WDPCP: variants seen among roughly 807,000 people sequenced by gnomAD.
The protein encoded by WDPCP is WD repeat containing planar cell polarity effector.
Under a neutral mutation model 93.1 loss-of-function variants are expected in WDPCP, and 71 were observed. That is an observed-to-expected ratio of 0.76 (90% CI 0.63 to 0.93). WDPCP has a LOEUF of 0.93. WDPCP is among the 40% of genes least tolerant of loss of function. WDPCP has a pLI of 0.00. For synonymous variants in WDPCP, 315 were observed against 315.0 expected (o/e 1.00, Z 0.00); for missense variants, 844 against 887.4 (o/e 0.95, Z 0.62).
At chr2:63,368,666 C>A (rs1691134471) in intron 12 of WDPCP, among the ~76,000 whole-genome samples, 1 of 151,844 alleles carries the variant, frequency 6.6e-6, no homozygotes, top group African/African-American at 2.4e-5. Flanking sequence ...CTCAAGCAAT[C>A]CTCTTGCCTC....
chr2:63,186,880 GAA>G (rs780621561), intron 14 of WDPCP, among the ~76,000 whole-genome samples: 2 of 149,880 alleles, frequency 1.3e-5, no homozygotes. Flanking sequence ...CGCCTTGGGG[GAA>G]AAAAAAGAGA....
rs188148317 is a variant in WDPCP at position 63,515,724 on chromosome 2, G to T, written c.76-22784C>A. ...TGCTTTACATGCATTTTCTCATTTA[G>T]ATTCTATAATCACCGCTGGGCACAG... On this transcript the variant is annotated intron_variant, in intron 1 of 17. Coordinates refer to ENST00000272321, the MANE Select transcript of WDPCP (RefSeq NM_015910.7). 3.6e-3 allele frequency among the ~76,000 whole-genome samples: 544 copies of T among 152,230 alleles called. 4 individuals are homozygous for T. The highest frequency in any genetic ancestry group is 5.7e-3 in the Admixed American group (87 of 15,286).
In WDPCP at chr2:63,433,842, G is replaced by A. The variant is rs368933340; in HGVS notation, c.728C>T (p.Pro243Leu). ...AGGCCAAGCATCATCGTTGACCAGT[G>A]GCCACCAGCAAACAACTCTATCATG... ...CVHDRVVCWW[P>L]LVNDDAWPWA... The change falls in exon 9 of 18, where the codon CCA becomes CTA. Residue 243 changes from proline (P) to leucine (L), a missense_variant. Coordinates refer to ENST00000272321, the MANE Select transcript of WDPCP (RefSeq NM_015910.7). 2.1e-5 allele frequency: 34 copies of A among 1,613,940 alleles called. No individual in the cohort carries two copies. In the African/African-American group the frequency reaches 4.0e-4, roughly 19 times the overall value.
At chr2:63,190,284 C>T (rs1329932970) in intron 14 of WDPCP, among the ~76,000 whole-genome samples, 2 of 151,376 alleles carry the variant, frequency 1.3e-5, no homozygotes, top group Non-Finnish European at 2.9e-5. Flanking sequence ...AATACAAAAA[C>T]TAGCCAAGCA....
At chr2:63,216,586 C>T (rs1016932405) in intron 14 of WDPCP, among the ~76,000 whole-genome samples, 1 of 152,006 alleles carries the variant, frequency 6.6e-6, no homozygotes. Context: ...AGAGGGATAG[C>T]ATTAGGAGAC....
intron 2 of WDPCP, among the ~76,000 whole-genome samples, chr2:63,734,263 A>C (rs755219071): frequency 6.6e-6 from 1 of 152,190 alleles, no homozygotes; most frequent in Non-Finnish European, 1.5e-5. Context: ...TAAGGTTCTT[A>C]AGATTAATTT....
At chr2:63,316,515 T>C (rs1321072248) in intron 12 of WDPCP, among the ~76,000 whole-genome samples, 1 of 151,810 alleles carries the variant, frequency 6.6e-6, no homozygotes, top group African/African-American at 2.4e-5. Context: ...GAGCCAGATA[T>C]GGTGGTGGGT....
chr2:63,161,383 CCTT>C (rs1286168742), intron 15 of WDPCP, among the ~76,000 whole-genome samples: 2 of 152,180 alleles, frequency 1.3e-5, no homozygotes, highest in African/African-American at 2.4e-5. Context: ...TTTTGTCACT[CCTT>C]CTTGACACAG....
chr2:63,808,180 A>C (rs1158461872), intron 2 of WDPCP, among the ~76,000 whole-genome samples: 1 of 152,246 alleles, frequency 6.6e-6, no homozygotes, highest in Non-Finnish European at 1.5e-5. Context: ...TATTTAGGAC[A>C]GGAATTTACT....
intron 10 of WDPCP, among the ~76,000 whole-genome samples, chr2:63,384,657 G>T (rs539417784): frequency 6.6e-6 from 1 of 152,036 alleles, no homozygotes; most frequent in East Asian, 1.9e-4. Context: ...AGGCTAAGGC[G>T]GGAGGACTGC....
Position 63,672,043 on chromosome 2 carries a change from A to G in WDPCP, n.309-21205T>C, listed in dbSNP as rs560438076. On this transcript the variant is annotated intron_variant and non_coding_transcript_variant, in intron 2 of 4. Transcript: ENST00000467687. ...GATTTTACTCCTCAAATTCCACTAG[A>G]AAGAAGTCAACTGTGGCATTAACAT... Among the ~76,000 whole-genome samples the G allele has an allele frequency of 7.2e-5, 11 of 152,280 alleles. No homozygotes were observed. In the South Asian group the frequency reaches 2.3e-3, roughly 32 times the overall value.
intron 10 of WDPCP, among the ~76,000 whole-genome samples, chr2:63,397,639 A>T (rs575966402): frequency 6.6e-6 from 1 of 152,296 alleles, no homozygotes; most frequent in Non-Finnish European, 1.5e-5. Context: ...AGGCTGTTTG[A>T]TGAGGGTTCT....
chr2:63,760,503 A>G (rs1670041250), intron 2 of WDPCP, among the ~76,000 whole-genome samples: 1 of 151,550 alleles, frequency 6.6e-6, no homozygotes, highest in Non-Finnish European at 1.5e-5. Flanking sequence ...TAACTTTCAG[A>G]TTCCATAACT....
intron 12 of WDPCP, among the ~76,000 whole-genome samples, chr2:63,365,922 T>C (rs572273325): frequency 5.3e-5 from 8 of 152,338 alleles, no homozygotes; most frequent in African/African-American, 1.9e-4. Context: ...TCATGACTTA[T>C]TACAGATATT....
At chr2:63,542,910 A>G (rs960562777) in intron 1 of WDPCP, among the ~76,000 whole-genome samples, 16 of 152,136 alleles carry the variant, frequency 1.1e-4, no homozygotes, top group Non-Finnish European at 1.8e-4. Flanking sequence ...ATTCTTATAT[A>G]TAAGGAAACT....
chr2:63,221,600 C>A (rs1433390376), intron 14 of WDPCP, among the ~76,000 whole-genome samples: 1 of 152,150 alleles, frequency 6.6e-6, no homozygotes, highest in Non-Finnish European at 1.5e-5. Flanking sequence ...TGGGTCTTTG[C>A]TGGAGGTACA....
At chr2:63,563,713 T>C (rs981654398) in intron 1 of WDPCP, among the ~76,000 whole-genome samples, 4 of 152,022 alleles carry the variant, frequency 2.6e-5, no homozygotes, top group Non-Finnish European at 5.9e-5. Flanking sequence ...AGATCCCTAG[T>C]GCAAAAGGAC....
At chr2:63,605,174 ATT>A in intron 3 of WDPCP, 1 of 749,666 alleles carries the variant, frequency 1.3e-6, no homozygotes. Flanking sequence ...GAGGGGAAAC[ATT>A]AAGCTCTGGT....
At chr2:63,438,569 T>C (rs1473640298) in intron 7 of WDPCP, among the ~76,000 whole-genome samples, 3 of 152,078 alleles carry the variant, frequency 2.0e-5, no homozygotes, top group Non-Finnish European at 4.4e-5. Context: ...GGTCAATTAT[T>C]AGACATATGA....
Sources: allele counts gnomAD v4.1 joint callset (sites outside exome capture counted in the v4.1 genomes callset), GRCh38; gene constraint gnomAD v4.1.1; transcripts MANE v1.5; gene names NCBI Gene and HGNC (gene_info 2026-07-23, HGNC 2026-07-21).